The following SLC7A14 variants were observed in gnomAD, a reference collection of about 807,000 sequenced individuals.
SLC7A14 encodes solute carrier family 7 member 14, also known as gamma-aminobutyric acid transporter SLC7A14.
Under a neutral mutation model 60.2 loss-of-function variants are expected in SLC7A14, and 37 were observed. That is an observed-to-expected ratio of 0.61 (90% CI 0.47 to 0.81). The LOEUF (loss-of-function observed/expected upper bound fraction) is 0.81, where lower values mean the gene tolerates loss of function less well. Among genes scored for constraint, SLC7A14 ranks in the 30% least tolerant of loss-of-function variants. SLC7A14 has a pLI of 0.00. For missense variants in SLC7A14, 886 were observed against 982.7 expected (o/e 0.90, Z 1.32); for synonymous variants, 399 against 395.8 (o/e 1.01, Z -0.10).
At position 170,532,845 on chromosome 3, in the gene SLC7A14, C is replaced by T. The variant is rs760422887; in HGVS notation, c.-152-5757G>A. On this transcript the variant is annotated intron_variant, in intron 1 of 7. Transcript: ENST00000231706. The surrounding 1 kb of genome is among the most constrained non-coding windows in gnomAD (Gnocchi z 4.0). ...GCTGCAGCCTGTGCACCTGGTACTTCCACTCCAAGGGATTCTTATTTACCT... is the reference window on the plus strand; with the variant it reads ...GCTGCAGCCTGTGCACCTGGTACTTTCACTCCAAGGGATTCTTATTTACCT... Among the ~76,000 whole-genome samples the T allele has an allele frequency of 1.7e-4, 26 of 152,308 alleles. No homozygotes were observed. The highest frequency in any genetic ancestry group is 3.4e-4 in the Non-Finnish European group (23 of 68,024).
chr3:170,505,582 C>T (rs2108282816), intron 2 of SLC7A14, among the ~76,000 whole-genome samples: 1 of 152,210 alleles, frequency 6.6e-6, no homozygotes. Context: ...TAGAGAATCA[C>T]TGTTTTAAAT....
chr3:170,567,130 G>A (rs1714814395), intron 1 of SLC7A14, among the ~76,000 whole-genome samples: 1 of 148,066 alleles, frequency 6.8e-6, no homozygotes, highest in Non-Finnish European at 1.5e-5. Flanking sequence ...TTAGCATTAG[G>A]TATATCTCCT....
At chr3:170,529,952 G>A (rs1713623358) in intron 1 of SLC7A14, among the ~76,000 whole-genome samples, 1 of 152,134 alleles carries the variant, frequency 6.6e-6, no homozygotes, top group African/African-American at 2.4e-5. Context: ...CTTCCTCATA[G>A]CTCTAAGAAG....
At chr3:170,509,739 G>A (rs924873142) in intron 2 of SLC7A14, among the ~76,000 whole-genome samples, 2 of 151,694 alleles carry the variant, frequency 1.3e-5, no homozygotes, top group African/African-American at 2.4e-5. Context: ...GATGTCAGGA[G>A]TTCGAGACCA....
At chr3:170,531,456 G>A (rs1003360547) in intron 1 of SLC7A14, among the ~76,000 whole-genome samples, 52 of 151,868 alleles carry the variant, frequency 3.4e-4, no homozygotes, top group African/African-American at 1.1e-3. Context: ...ATTAGAAACC[G>A]TATTGAAAAT....
At chr3:170,473,313 CTG>C (rs1711511448) in intron 7 of SLC7A14, among the ~76,000 whole-genome samples, 1 of 152,196 alleles carries the variant, frequency 6.6e-6, no homozygotes. Flanking sequence ...TCTGAAGAGA[CTG>C]AGTAATGCAA....
At chr3:170,572,311 A>G (rs958625373) in intron 1 of SLC7A14, among the ~76,000 whole-genome samples, 19 of 152,186 alleles carry the variant, frequency 1.2e-4, no homozygotes, top group Admixed American at 1.1e-3. Flanking sequence ...TGGTCTTTGA[A>G]TCTTGACTCT....
chr3:170,468,435 C>T (rs1285539329), intron 7 of SLC7A14, among the ~76,000 whole-genome samples: 3 of 152,008 alleles, frequency 2.0e-5, no homozygotes, highest in African/African-American at 7.3e-5. Flanking sequence ...GTAGTTGGGA[C>T]CACAGGCATG....
chr3:170,526,784 C>T lies in SLC7A14; in HGVS notation c.153G>A (p.Gln51=). The change falls in exon 2 of 8, where the codon CAG becomes CAA. Residue 51 remains glutamine, a synonymous_variant. Coordinates refer to ENST00000231706, the MANE Select transcript of SLC7A14 (RefSeq NM_020949.3). ...AGATGAGGTCCACTGTGGTGAGTAC[C>T]TGGGCTAGCTTAGTTCCATGTGCCG... ...TTTAHGTKLA[Q]VLTTVDLISL... 1 of 1,614,238 alleles carries T rather than the reference C, an allele frequency of 6.2e-7. No individual in the cohort carries two copies. Among genetic ancestry groups the T allele is most frequent in the Non-Finnish European group, 8.5e-7 (1 of 1,180,036 alleles).
intron 2 of SLC7A14, among the ~76,000 whole-genome samples, chr3:170,524,979 T>C (rs948071863): frequency 2.6e-5 from 4 of 152,244 alleles, no homozygotes; most frequent in African/African-American, 9.6e-5. Context: ...TGCATGCTTG[T>C]AGTCTGTCTT....
At chr3:170,509,885 C>A (rs558759573) in intron 2 of SLC7A14, among the ~76,000 whole-genome samples, 26 of 151,852 alleles carry the variant, frequency 1.7e-4, no homozygotes, top group African/African-American at 5.8e-4. Flanking sequence ...TCGAGACCAG[C>A]CTGACCAACA....
chr3:170,575,017 G>A (rs181741909), intron 1 of SLC7A14, among the ~76,000 whole-genome samples: 184 of 152,252 alleles, frequency 1.2e-3, no homozygotes, highest in African/African-American at 4.2e-3. Context: ...AGAGAGAAAG[G>A]GAAGTAAGAA....
intron 1 of SLC7A14, among the ~76,000 whole-genome samples, chr3:170,541,589 C>A (rs1177202432): frequency 6.6e-6 from 1 of 152,126 alleles, no homozygotes; most frequent in Non-Finnish European, 1.5e-5. Flanking sequence ...TAGAGCAAGA[C>A]CTTGTCTCCA....
intron 2 of SLC7A14, among the ~76,000 whole-genome samples, chr3:170,522,989 G>T (rs1163934748): frequency 6.6e-6 from 1 of 152,140 alleles, no homozygotes; most frequent in African/African-American, 2.4e-5. Flanking sequence ...TGAAATTGGA[G>T]ATAATAAAAC....
At chr3:170,508,718 T>C (rs1260415822) in intron 2 of SLC7A14, among the ~76,000 whole-genome samples, 1 of 152,230 alleles carries the variant, frequency 6.6e-6, no homozygotes, top group Non-Finnish European at 1.5e-5. Context: ...TCTTAAAACA[T>C]CTCTGTTCCG....
intron 4 of SLC7A14, among the ~76,000 whole-genome samples, chr3:170,498,294 A>G (rs1712473776): frequency 6.6e-6 from 1 of 152,178 alleles, no homozygotes; most frequent in Non-Finnish European, 1.5e-5. Flanking sequence ...GAACTCTCTG[A>G]ATGGGAGTTT....
At chr3:170,527,212 C>T (rs1260238606) in intron 1 of SLC7A14, 124 bp from the exon 2 acceptor site, 2 of 464,750 alleles carry the variant, frequency 4.3e-6, no homozygotes, top group Non-Finnish European at 7.8e-6. Flanking sequence ...GCTCATAACA[C>T]GGAAGGGTTC....
intron 1 of SLC7A14, among the ~76,000 whole-genome samples, chr3:170,531,287 C>T (rs1345661692): frequency 6.6e-6 from 1 of 152,170 alleles, no homozygotes; most frequent in East Asian, 1.9e-4. Context: ...AACAGCTCTC[C>T]TCGGCAGGCA....
In SLC7A14 at chr3:170,460,492, C is replaced by T. The variant is rs1739574507; in HGVS notation, c.*6563G>A. On this transcript the variant is annotated 3_prime_UTR_variant, in exon 8 of 8. Transcript: ENST00000231706. ...TTATGATTTCTAGGGTAAATCCTCG[C>T]CTTTGGGAGTGTGAATGAGACAAGC... is the stretch of plus-strand genomic sequence containing the variant. 1.3e-5 allele frequency: 2 copies of T among 152,152 alleles called. No individual in the cohort carries two copies. The highest frequency in any genetic ancestry group is 4.1e-4 in the South Asian group (2 of 4,822). 9.4% of individuals were successfully genotyped at this position (152,152 alleles called of 1,614,324 possible).
Sources: allele counts gnomAD v4.1 joint callset (sites outside exome capture counted in the v4.1 genomes callset), GRCh38; gene constraint gnomAD v4.1.1; non-coding constraint Gnocchi (gnomAD v3.1); transcripts MANE v1.5; gene names NCBI Gene and HGNC (gene_info 2026-07-23, HGNC 2026-07-21).